Variants in ADCY2 observed in about 807,000 individuals in gnomAD.
ADCY2 encodes the protein adenylate cyclase 2.
A neutral mutation model predicts 125.2 loss-of-function variants in ADCY2; 31 were observed. The ratio of observed to expected loss-of-function variants is 0.25; its 90% confidence interval spans 0.19 to 0.33. The LOEUF (loss-of-function observed/expected upper bound fraction) is 0.33. ADCY2 is among the 10% of genes least tolerant of loss of function. The pLI is 1.00. For missense variants in ADCY2, 904 were observed against 1,418.2 expected (o/e 0.64, Z 5.82); for synonymous variants, 512 against 548.4 (o/e 0.93, Z 0.93).
At chr5:7,677,348 C>T (rs961083201) in intron 4 of ADCY2, among the ~76,000 whole-genome samples, 1 of 152,086 alleles carries the variant, frequency 6.6e-6, no homozygotes, top group African/African-American at 2.4e-5. Flanking sequence ...GCCTTTGGAA[C>T]CATTAATGTG....
intron 14 of ADCY2, among the ~76,000 whole-genome samples, chr5:7,741,629 C>CGAT (rs1742415170): frequency 1.4e-3 from 4 of 2,866 alleles, no homozygotes; most frequent in East Asian, 0.019. Flanking sequence ...ATCATTATCA[C>CGAT]CATCATCATC....
intron 3 of ADCY2, among the ~76,000 whole-genome samples, chr5:7,563,545 C>T (rs1359651741): frequency 1.2e-4 from 18 of 152,160 alleles, no homozygotes. Context: ...ATAACACATT[C>T]ATAGCAGTCC....
At chr5:7,799,739 A>G (rs1267103306) in intron 20 of ADCY2, 1 of 152,284 alleles carries the variant, frequency 6.6e-6, no homozygotes, top group Non-Finnish European at 1.5e-5. Flanking sequence ...AACTTTCCAA[A>G]ACAATGCCTG....
At chr5:7,598,995 T>C (rs775699394) in intron 3 of ADCY2, among the ~76,000 whole-genome samples, 1 of 152,252 alleles carries the variant, frequency 6.6e-6, no homozygotes, top group Non-Finnish European at 1.5e-5. Flanking sequence ...TTGCCCCACA[T>C]GTCCTGACTG....
At chr5:7,600,322 G>A (rs1286328752) in intron 3 of ADCY2, among the ~76,000 whole-genome samples, 1 of 152,224 alleles carries the variant, frequency 6.6e-6, no homozygotes, top group African/African-American at 2.4e-5. Flanking sequence ...TTGGGTCAAG[G>A]TGGAGAGGTT....
chr5:7,627,077 G>A (rs1395182705), intron 4 of ADCY2, among the ~76,000 whole-genome samples: 2 of 152,104 alleles, frequency 1.3e-5, no homozygotes, highest in East Asian at 1.9e-4. Flanking sequence ...GCAGAAGTAC[G>A]AGCCTCCCCC....
chr5:7,613,789 A>G (rs1737656988), intron 3 of ADCY2, among the ~76,000 whole-genome samples: 1 of 152,272 alleles, frequency 6.6e-6, no homozygotes, highest in Admixed American at 6.5e-5. Flanking sequence ...CTTATCTTGT[A>G]GGATAAACTC....
At chr5:7,489,993 T>C (rs1352939222) in intron 2 of ADCY2, among the ~76,000 whole-genome samples, 2 of 152,242 alleles carry the variant, frequency 1.3e-5, no homozygotes, top group East Asian at 1.9e-4. Context: ...GAATTTTGAA[T>C]ACAGACTTAA....
chr5:7,477,925 T>C (rs1742581810), intron 2 of ADCY2, among the ~76,000 whole-genome samples: 1 of 152,220 alleles, frequency 6.6e-6, no homozygotes, highest in Non-Finnish European at 1.5e-5. Flanking sequence ...TTTTTGTGAA[T>C]GGACACAGCT....
chr5:7,830,073 C>CTGTCT lies in ADCY2; in HGVS notation c.*3203_*3207dup, dbSNP rs1745596532. On this transcript the variant is annotated 3_prime_UTR_variant, in exon 25 of 25. Transcript: ENST00000338316. The stretch of plus-strand genomic sequence containing the variant: ...CCAGCCTGGGTGACAGAGCGAGACT[C>CTGTCT]TGTCTCAGAAAAAAAAAGAAAAAAA... The CTGTCT allele has an allele frequency of 7.3e-6, 1 of 136,084 alleles. No homozygotes were observed. Among genetic ancestry groups the CTGTCT allele is most frequent in the Non-Finnish European group, 1.6e-5 (1 of 62,346 alleles). The allele number at this position is 136,084 out of a possible 1,614,324, so 8.4% of individuals were successfully genotyped here. A position where few individuals can be genotyped will look rare whatever the true frequency, so the allele number is the denominator to read the frequency against.
intron 4 of ADCY2, among the ~76,000 whole-genome samples, chr5:7,682,981 A>G (rs1740391070): frequency 6.6e-6 from 1 of 152,230 alleles, no homozygotes; most frequent in African/African-American, 2.4e-5. Flanking sequence ...GCACATTAGT[A>G]CAAAGTTGTC....
intron 3 of ADCY2, among the ~76,000 whole-genome samples, chr5:7,587,400 G>C (rs1379602419): frequency 6.6e-6 from 1 of 152,190 alleles, no homozygotes; most frequent in Non-Finnish European, 1.5e-5. Context: ...ATGACGCATA[G>C]CGTTTTCTTT....
At chr5:7,699,551 A>C (rs532403496) in intron 7 of ADCY2, among the ~76,000 whole-genome samples, 4 of 152,150 alleles carry the variant, frequency 2.6e-5, no homozygotes, top group Non-Finnish European at 5.9e-5. Flanking sequence ...AATGCAATGG[A>C]AAGTAAGACT....
At chr5:7,596,829 G>A (rs1471402969) in intron 3 of ADCY2, among the ~76,000 whole-genome samples, 1 of 152,172 alleles carries the variant, frequency 6.6e-6, no homozygotes, top group Non-Finnish European at 1.5e-5. Flanking sequence ...TAATCTCAAG[G>A]TTGGGGCCTA....
At chr5:7,779,794 T>C (rs981489749) in intron 18 of ADCY2, among the ~76,000 whole-genome samples, 1 of 152,240 alleles carries the variant, frequency 6.6e-6, no homozygotes, top group Non-Finnish European at 1.5e-5. Context: ...CATGGCATTC[T>C]GATGCATCTG....
Position 7,752,373 on chromosome 5 carries a change from T to C in ADCY2, c.1957-5076T>C, listed in dbSNP as rs74936843. On this transcript the variant is annotated intron_variant, in intron 15 of 24. Coordinates refer to ENST00000338316, the MANE Select transcript of ADCY2 (RefSeq NM_020546.3). The stretch of plus-strand genomic sequence containing the variant: ...CAAAAGTACATGTTTATATGAAACA[T>C]GAAACCACTATATTTTCCAAGCAAG... Among the ~76,000 whole-genome samples, 1,315 of 152,302 alleles carry C rather than the reference T, an allele frequency of 8.6e-3. 8 individuals are homozygous for C. The highest frequency in any genetic ancestry group is 0.011 in the Non-Finnish European group (733 of 68,012).
chr5:7,638,045 G>A (rs1267126352), intron 4 of ADCY2, among the ~76,000 whole-genome samples: 1 of 152,224 alleles, frequency 6.6e-6, no homozygotes, highest in Non-Finnish European at 1.5e-5. Flanking sequence ...TGGGTTAAAC[G>A]TGAGAAAGCA....
At chr5:7,713,072 T>G (rs917556154) in intron 11 of ADCY2, among the ~76,000 whole-genome samples, 173 bp downstream of exon 11, 6 of 152,172 alleles carry the variant, frequency 3.9e-5, no homozygotes, top group African/African-American at 4.8e-5. Context: ...GGGGTCTTAT[T>G]GTTAGAATTG....
Position 7,396,384 on chromosome 5 carries a change from C to T in ADCY2, c.88C>T (p.Arg30Trp), listed in dbSNP as rs1401613046. The part of the protein sequence containing the change: ...AGGGDGLPRS[R>W]DWLYESYYCM... ...CGGCGGAGACGGGCTGCCGCGGTCC[C>T]GGGACTGGCTCTACGAGTCCTACTA... The change falls in exon 1 of 25, where the codon CGG becomes TGG. Residue 30 changes from arginine (R) to tryptophan (W), a missense_variant. Coordinates refer to ENST00000338316, the MANE Select transcript of ADCY2 (RefSeq NM_020546.3). This position sits in a 1 kb window ranked among gnomAD's most constrained non-coding sequence, Gnocchi z 5.7. The T allele has an allele frequency of 3.8e-6, 6 of 1,564,264 alleles. No homozygotes were observed. Among genetic ancestry groups the T allele is most frequent in the South Asian group, 2.3e-5 (2 of 87,050 alleles).
Sources: gnomAD v4.1 joint callset for allele counts (sites outside exome capture counted in the v4.1 genomes callset) on GRCh38, gnomAD v4.1.1 for gene constraint, Gnocchi (gnomAD v3.1) non-coding constraint, MANE v1.5 for transcripts, NCBI Gene and HGNC (gene_info 2026-07-23, HGNC 2026-07-21) for gene names.